OSBPL1A: variants seen among roughly 807,000 people sequenced by gnomAD.
OSBPL1A encodes the protein oxysterol-binding protein-related protein 1.
Under a neutral mutation model 137.1 loss-of-function variants are expected in OSBPL1A, and 80 were observed. That is an observed-to-expected ratio of 0.58 (90% CI 0.49 to 0.70). The LOEUF (loss-of-function observed/expected upper bound fraction) is 0.70. OSBPL1A is among the 30% of genes least tolerant of loss of function. The pLI, the probability that OSBPL1A is intolerant of heterozygous loss-of-function variation, is 0.00. For synonymous variants in OSBPL1A, 365 were observed against 389.7 expected (o/e 0.94, Z 0.75); for missense variants, 970 against 1,129.4 (o/e 0.86, Z 2.02).
At position 24,353,238 on chromosome 18, in the gene OSBPL1A, C is replaced by T. The variant is rs181614451; in HGVS notation, c.283-11580G>A. Among the ~76,000 whole-genome samples, 1,197 of 152,144 alleles carry T rather than the reference C, an allele frequency of 7.9e-3. 8 individuals are homozygous for T. The highest frequency in any genetic ancestry group is 0.021 in the African/African-American group (873 of 41,514). On this transcript the variant is annotated intron_variant, in intron 4 of 27. Coordinates refer to ENST00000319481, the MANE Select transcript of OSBPL1A (RefSeq NM_080597.4). ...ATTTACAAGAAAAAAACAAACAACCCCATCAAAAAGTGGGCGAAGGAGATG... is the reference window on the plus strand; with the variant it reads ...ATTTACAAGAAAAAAACAAACAACCTCATCAAAAAGTGGGCGAAGGAGATG...
Position 24,341,658 on chromosome 18 carries a change from C to G in OSBPL1A, c.283G>C (p.Glu95Gln), listed in dbSNP as rs1398037427. The change falls in exon 5 of 28, where the codon GAG (glutamate) becomes CAG (glutamine). Residue 95 changes from glutamate to glutamine, a missense_variant and splice_region_variant. By Grantham distance (29) the Glu-to-Gln change is conservative. Around this residue, in one of 2 missense-constraint regions of OSBPL1A, gnomAD observed 647 missense variants for 672.6 expected, o/e 0.96. Coordinates refer to ENST00000319481, the MANE Select transcript of OSBPL1A (RefSeq NM_080597.4). ...LHRAAFTGRKELVMLLLEYNA... is the reference protein window; with the variant it reads ...LHRAAFTGRKQLVMLLLEYNA... ...TATTCTAAGAGAAGCATTACCAACTCCTAAAAATCAGAGAATTTATTTTTA... is the reference window on the plus strand; with the variant it reads ...TATTCTAAGAGAAGCATTACCAACTGCTAAAAATCAGAGAATTTATTTTTA... 1.2e-5 allele frequency: 19 copies of G among 1,579,820 alleles called. No individual in the cohort carries two copies. The Admixed American group carries it at 3.5e-4, about 29-fold the overall frequency.
chr18:24,239,488 T>A (rs2088612471), intron 15 of OSBPL1A, 106 bp from the exon 16 acceptor site: 2 of 1,032,380 alleles, frequency 1.9e-6, no homozygotes, highest in East Asian at 2.6e-5. Flanking sequence ...AACTGCAATA[T>A]CAGAAATGAA....
intron 17 of OSBPL1A, among the ~76,000 whole-genome samples, chr18:24,212,886 C>T (rs1438466869): frequency 2.0e-5 from 3 of 152,192 alleles, no homozygotes; most frequent in Admixed American, 2.0e-4. Context: ...ATCCCCATTT[C>T]AACAGAAGCA....
chr18:24,201,052 C>T (rs1438083164), intron 17 of OSBPL1A, among the ~76,000 whole-genome samples: 1 of 152,068 alleles, frequency 6.6e-6, no homozygotes, highest in Non-Finnish European at 1.5e-5. Flanking sequence ...GAAAGCACAG[C>T]TCAGTGATTC....
At chr18:24,330,643 T>A (rs2091060678) in intron 7 of OSBPL1A, among the ~76,000 whole-genome samples, 1 of 150,662 alleles carries the variant, frequency 6.6e-6, no homozygotes, top group African/African-American at 2.4e-5. Context: ...TGCCACCACT[T>A]GAACTCCTGA....
intron 18 of OSBPL1A, among the ~76,000 whole-genome samples, chr18:24,191,351 A>AT (rs1359163874): frequency 6.6e-6 from 1 of 152,162 alleles, no homozygotes; most frequent in Non-Finnish European, 1.5e-5. Context: ...ATTACTGGAC[A>AT]TTTTTTTAAA....
At position 24,175,112 on chromosome 18, in the gene OSBPL1A, A is replaced by ATATATATATATACG. The variant is rs1567920021; in HGVS notation, c.2094-2630_2094-2629insCGTATATATATATA. On this transcript the variant is annotated intron_variant, in intron 21 of 27. Transcript: ENST00000319481. ...GTGCTTATTTGCCATGTGTATGTAT[A>ATATATATATATACG]TATATATATATATATATATATATAC... is the stretch of plus-strand genomic sequence containing the variant. Among the ~76,000 whole-genome samples the ATATATATATATACG allele has an allele frequency of 5.7e-3, 92 of 16,230 alleles. 1 individual carries two copies. Among genetic ancestry groups the ATATATATATATACG allele is most frequent in the African/African-American group, 7.9e-3 (87 of 11,058 alleles). The allele number at this position is 16,230 out of a possible 152,430, so 10.6% of individuals were successfully genotyped here.
At chr18:24,204,772 T>A (rs1431732675) in intron 17 of OSBPL1A, among the ~76,000 whole-genome samples, 2 of 152,110 alleles carry the variant, frequency 1.3e-5, no homozygotes, top group African/African-American at 4.8e-5. Context: ...CCCTTTCTCC[T>A]AAGACAGAGG....
intron 7 of OSBPL1A, among the ~76,000 whole-genome samples, chr18:24,326,792 A>C (rs1239650891): frequency 6.6e-6 from 1 of 152,190 alleles, no homozygotes; most frequent in Non-Finnish European, 1.5e-5. Flanking sequence ...TCATTACTTA[A>C]AACTTTTTAA....
chr18:24,390,823 G>T (rs551393222), intron 1 of OSBPL1A, among the ~76,000 whole-genome samples: 1 of 151,914 alleles, frequency 6.6e-6, no homozygotes, highest in East Asian at 1.9e-4. Context: ...TTTTTGGCCA[G>T]GTGCAGTGGC....
chr18:24,228,059 C>T (rs775160472), intron 16 of OSBPL1A, among the ~76,000 whole-genome samples: 14 of 152,044 alleles, frequency 9.2e-5, no homozygotes, highest in South Asian at 2.1e-4. Flanking sequence ...AGACGGACTT[C>T]GCAGAACAAG....
chr18:24,174,319 G>T (rs2086369238), intron 21 of OSBPL1A, among the ~76,000 whole-genome samples: 1 of 152,162 alleles, frequency 6.6e-6, no homozygotes, highest in Non-Finnish European at 1.5e-5. Flanking sequence ...GTTCTCCAGG[G>T]TGGCTCTACC....
intron 15 of OSBPL1A, among the ~76,000 whole-genome samples, chr18:24,242,337 A>T (rs2088728204): frequency 8.9e-6 from 1 of 112,004 alleles, no homozygotes; most frequent in African/African-American, 5.3e-5. Flanking sequence ...TTAGGGGGTT[A>T]AAAAAAAAAA....
chr18:24,372,267 G>A (rs1905708953), intron 2 of OSBPL1A, among the ~76,000 whole-genome samples: 1 of 146,862 alleles, frequency 6.8e-6, no homozygotes, highest in East Asian at 2.0e-4. Flanking sequence ...AGAGCAAGAC[G>A]CTGTCGCAAA....
rs202036473 is a variant in OSBPL1A, at chr18:24,311,840, CA to C, written c.1092+143del. ...CCATGAGAGACATAAGCTACCAACA[CA>C]ATGCAACTCAGTGAAGAACAGTACT... On this transcript the variant is annotated intron_variant, in intron 13 of 27. Transcript: ENST00000319481. The C allele has an allele frequency of 1.6e-3, 1,517 of 925,154 alleles. 26 individuals are homozygous for C. In the East Asian group the frequency reaches 0.035, roughly 22 times the overall value. 57.3% of individuals were successfully genotyped at this position (925,154 alleles called of 1,614,324 possible).
intron 23 of OSBPL1A, 151 bp from the exon 24 acceptor site, chr18:24,170,604 A>G (rs1394517128): frequency 5.3e-6 from 4 of 753,578 alleles, no homozygotes; most frequent in Non-Finnish European, 8.9e-6. Flanking sequence ...AGGCGTGTTC[A>G]GGGTGGCATC....
At chr18:24,303,834 CAT>C in intron 13 of OSBPL1A, 116 bp from the exon 14 acceptor site, 1 of 723,590 alleles carries the variant, frequency 1.4e-6, no homozygotes, top group Non-Finnish European at 2.3e-6. Flanking sequence ...ATAACAGAGA[CAT>C]ATGCCTTAAA....
rs1477591515 is a variant in OSBPL1A, at chr18:24,272,288, G to C, written c.1281+8554C>G. The C allele has an allele frequency of 6.1e-6, 6 of 981,760 alleles. No homozygotes were observed. The African/African-American group carries it at 1.1e-4, about 17-fold the overall frequency. The allele number at this position is 981,760 out of a possible 1,614,324, so 60.8% of individuals were successfully genotyped here. A position where few individuals can be genotyped will look rare whatever the true frequency, so the allele number is the denominator to read the frequency against. ...TTTTTTTTAACCAACCCGCCCCTTG[G>C]GAAACTCTGGAAAGCAAAGGAATCT... is the stretch of plus-strand genomic sequence containing the variant. On this transcript the variant is annotated intron_variant, in intron 15 of 27. Transcript: ENST00000319481.
chr18:24,259,226 C>G (rs1273753778), intron 15 of OSBPL1A, among the ~76,000 whole-genome samples: 1 of 152,106 alleles, frequency 6.6e-6, no homozygotes, highest in Non-Finnish European at 1.5e-5. Context: ...ATCTTTTTAA[C>G]TCCGTATTAA....
Sources: gnomAD v4.1 joint callset for allele counts (sites outside exome capture counted in the v4.1 genomes callset) on GRCh38, gnomAD v4.1.1 for gene constraint, gnomAD v4.1.1 regional missense constraint, MANE v1.5 for transcripts, NCBI Gene and HGNC (gene_info 2026-07-23, HGNC 2026-07-21) for gene names.